Variants in ARHGEF3 observed in about 807,000 individuals in gnomAD.
ARHGEF3 encodes Rho guanine nucleotide exchange factor 3.
ARHGEF3 carries 28 observed loss-of-function variants against 63.2 expected under a neutral mutation model. That is an observed-to-expected ratio of 0.44 (90% CI 0.33 to 0.61). The LOEUF (loss-of-function observed/expected upper bound fraction) is 0.61. Ranked by LOEUF, ARHGEF3 falls within the 20% of genes least tolerant of loss-of-function variation. The pLI is 0.03. For missense variants in ARHGEF3, 533 were observed against 659.3 expected (o/e 0.81, Z 2.10); for synonymous variants, 266 against 254.2 (o/e 1.05, Z -0.44).
rs1169863633 is a variant in ARHGEF3, at chr3:56,949,393, C to G, written c.129+9430G>C. On this transcript the variant is annotated intron_variant, in intron 3 of 12. Coordinates refer to the ARHGEF3 transcript ENST00000338458. ...TATCTAGAAAACCCCATCGTCTCAG[C>G]CCAAAATCTCCTTAAGCTGATAGGC... Among the ~76,000 whole-genome samples the G allele has an allele frequency of 3.2e-4, 48 of 152,034 alleles. No homozygotes were observed. In the East Asian group the frequency reaches 8.9e-3, roughly 28 times the overall value.
chr3:56,756,856 G>A (rs1197526065), intron 2 of ARHGEF3, among the ~76,000 whole-genome samples: 2 of 152,094 alleles, frequency 1.3e-5, no homozygotes, highest in Non-Finnish European at 2.9e-5. Context: ...GCCATAGCTG[G>A]CTAACTCTTA....
Position 56,801,874 on chromosome 3 carries a change from C to T in ARHGEF3, c.-76G>A, listed in dbSNP as rs867024803. 7.1e-6 allele frequency: 11 copies of T among 1,550,428 alleles called. 1 individual carries two copies. The Middle Eastern group carries it at 1.7e-3, about 236-fold the overall frequency. On this transcript the variant is annotated 5_prime_UTR_variant, in exon 1 of 10. Transcript: ENST00000296315. ...TACAAAACTCCCAGGCAAAAGGGGG[C>T]CCCAGCTCCACGATGCCGGGCGGCG...
chr3:56,751,073 G>A lies in ARHGEF3; in HGVS notation c.595C>T (p.Pro199Ser). Residue 199 changes from proline to serine, a missense_variant, in exon 6 of 10, where the codon CCC (proline) becomes TCC (serine). Pro to Ser is a moderately conservative substitution (Grantham distance 74). Coordinates refer to ENST00000296315, the MANE Select transcript of ARHGEF3 (RefSeq NM_019555.3). ...KPDGSTEHVGPILVGWLPCLS... is the reference protein window; with the variant it reads ...KPDGSTEHVGSILVGWLPCLS... ...TTTCTTACCCAGCCCACGAGGATGG[G>A]ACCAACATGTTCAGTCGAGCCATCA... 6.2e-7 allele frequency: 1 copy of A among 1,613,936 alleles called. No homozygotes were observed. Among genetic ancestry groups the A allele is most frequent in the Non-Finnish European group, 8.5e-7 (1 of 1,179,946 alleles).
At position 56,981,819 on chromosome 3, in the gene ARHGEF3, C is replaced by T. The variant is rs139482923; in HGVS notation, c.63-22930G>A. Among the ~76,000 whole-genome samples, 34 of 152,268 alleles carry T rather than the reference C, an allele frequency of 2.2e-4. No homozygotes were observed. In the East Asian group the frequency reaches 4.4e-3, roughly 20 times the overall value. ...CCTGCTTCCTTAATCCAAGTGTTGTCAGAGTGGACATCTGCTGTTCCTCAC... is the reference window on the plus strand; with the variant it reads ...CCTGCTTCCTTAATCCAAGTGTTGTTAGAGTGGACATCTGCTGTTCCTCAC... On this transcript the variant is annotated intron_variant, in intron 2 of 12. Transcript: ENST00000338458.
chr3:56,884,281 G>T (rs1262673204), intron 3 of ARHGEF3, among the ~76,000 whole-genome samples: 1 of 152,050 alleles, frequency 6.6e-6, no homozygotes, highest in Non-Finnish European at 1.5e-5. Flanking sequence ...TCAAAACATG[G>T]GTTGGAGGGC....
At chr3:56,989,222 T>C (rs2106940822) in intron 2 of ARHGEF3, among the ~76,000 whole-genome samples, 1 of 152,364 alleles carries the variant, frequency 6.6e-6, no homozygotes, top group Middle Eastern at 3.4e-3. Context: ...AAAAGTCTTC[T>C]TTTCCTAAAA....
rs397989726 is a variant in ARHGEF3 at position 56,882,508 on chromosome 3, C to CT, written c.130-155dup. On this transcript the variant is annotated intron_variant, in intron 3 of 12. Coordinates refer to the ARHGEF3 transcript ENST00000338458. The stretch of plus-strand genomic sequence containing the variant: ...AACCAAGCTATGTAAATGAACACTT[C>CT]TTTTTTTTTTTTTTTTTTTTTTTGA... Among the ~76,000 whole-genome samples the CT allele has an allele frequency of 6.2e-3, 527 of 84,330 alleles. 10 individuals are homozygous for CT. Among genetic ancestry groups the CT allele is most frequent in the Non-Finnish European group, 7.5e-3 (343 of 45,504 alleles). The allele number at this position is 84,330 out of a possible 152,430, so 55.3% of individuals were successfully genotyped here. A position where few individuals can be genotyped will look rare whatever the true frequency, so the allele number is the denominator to read the frequency against.
At chr3:57,059,762 C>A (rs772914304) in intron 1 of ARHGEF3, among the ~76,000 whole-genome samples, 1 of 152,036 alleles carries the variant, frequency 6.6e-6, no homozygotes, top group African/African-American at 2.4e-5. Flanking sequence ...TTTGGGAGGC[C>A]AAGTTGGGCA....
intron 1 of ARHGEF3, among the ~76,000 whole-genome samples, chr3:57,067,750 G>C (rs1705636901): frequency 6.6e-6 from 1 of 151,152 alleles, no homozygotes; most frequent in African/African-American, 2.4e-5. Context: ...GAGAGGCCGA[G>C]GCGGGCGGAT....
chr3:56,947,026 T>C (rs1283740041), intron 3 of ARHGEF3, among the ~76,000 whole-genome samples: 5 of 152,180 alleles, frequency 3.3e-5, no homozygotes, highest in Non-Finnish European at 5.9e-5. Flanking sequence ...CCAGCCAAAC[T>C]AAGCTTCAGA....
chr3:56,839,837 T>C (rs1042080409), intron 4 of ARHGEF3, among the ~76,000 whole-genome samples: 3 of 152,066 alleles, frequency 2.0e-5, no homozygotes. Context: ...TACCACCTTT[T>C]ACCCACCTGA....
At chr3:56,775,881 A>G (rs1013532030) in intron 1 of ARHGEF3, among the ~76,000 whole-genome samples, 3 of 152,102 alleles carry the variant, frequency 2.0e-5, no homozygotes, top group Non-Finnish European at 2.9e-5. Flanking sequence ...TGAAAATGCC[A>G]GGTTGGTGGC....
intron 4 of ARHGEF3, among the ~76,000 whole-genome samples, chr3:56,861,122 T>G (rs1329100423): frequency 6.6e-6 from 1 of 152,132 alleles, no homozygotes; most frequent in African/African-American, 2.4e-5. Flanking sequence ...GTAAGACAAG[T>G]GTGATGATAA....
chr3:56,867,569 C>T (rs969719615), intron 4 of ARHGEF3, among the ~76,000 whole-genome samples: 7 of 152,024 alleles, frequency 4.6e-5, no homozygotes, highest in Non-Finnish European at 7.4e-5. Flanking sequence ...ACCTCCTGGG[C>T]TCAAGCAGTC....
intron 4 of ARHGEF3, among the ~76,000 whole-genome samples, chr3:56,868,109 A>G (rs1331662890): frequency 6.6e-6 from 1 of 152,126 alleles, no homozygotes; most frequent in African/African-American, 2.4e-5. Context: ...GTACCCCACA[A>G]CCACTCTACA....
In ARHGEF3 at chr3:56,970,921, AC is replaced by A. The variant is rs1369061515; in HGVS notation, c.63-12033del. Reference sequence around the variant, plus strand: ...GTTCCTCCATCTGTAAAATGAAGGTACTAACAAGACCCCCCTCTCACAGGGC... The same window carrying A: ...GTTCCTCCATCTGTAAAATGAAGGTATAACAAGACCCCCCTCTCACAGGGC... On this transcript the variant is annotated intron_variant, in intron 2 of 12. Coordinates refer to the ARHGEF3 transcript ENST00000338458. Among the ~76,000 whole-genome samples the A allele has an allele frequency of 2.0e-5, 3 of 152,182 alleles. No homozygotes were observed. The East Asian group carries it at 5.8e-4, about 29-fold the overall frequency.
At chr3:56,980,733 G>A (rs1701295001) in intron 2 of ARHGEF3, among the ~76,000 whole-genome samples, 3 of 152,318 alleles carry the variant, frequency 2.0e-5, no homozygotes, top group South Asian at 2.1e-4. Flanking sequence ...GTTCTCCTAC[G>A]AGTGGGTGCC....
At chr3:56,807,197 T>C (rs985857674) in intron 4 of ARHGEF3, among the ~76,000 whole-genome samples, 1 of 152,178 alleles carries the variant, frequency 6.6e-6, no homozygotes, top group Non-Finnish European at 1.5e-5. Context: ...GAGTTCCTTT[T>C]TCTTTAAAGG....
At chr3:56,753,637 C>T in intron 3 of ARHGEF3, 71 bp from the exon 4 acceptor site, 1 of 1,375,352 alleles carries the variant, frequency 7.3e-7, no homozygotes. Context: ...ATAGTGCTGG[C>T]TCCACCACTC....
Sources: allele counts gnomAD v4.1 joint callset (sites outside exome capture counted in the v4.1 genomes callset), GRCh38; gene constraint gnomAD v4.1.1; transcripts MANE v1.5; gene names NCBI Gene and HGNC (gene_info 2026-07-23, HGNC 2026-07-21).